The following PLA2G4E variants were observed in gnomAD, a reference collection of about 807,000 sequenced individuals.
PLA2G4E encodes phospholipase A2 group IVE.
Under a neutral mutation model 109.1 loss-of-function variants are expected in PLA2G4E, and 84 were observed. The ratio of observed to expected loss-of-function variants is 0.77; its 90% CI spans 0.65 to 0.92. The LOEUF (loss-of-function observed/expected upper bound fraction) is 0.92. Ranked by LOEUF, PLA2G4E falls within the 40% of genes least tolerant of loss-of-function variation. The pLI, the probability that PLA2G4E is intolerant of heterozygous loss-of-function variation, is 0.00. For missense variants in PLA2G4E, 1,057 were observed against 1,076.6 expected, an observed-to-expected ratio of 0.98 and a Z score of 0.25; for synonymous variants, 469 against 436.1, an observed-to-expected ratio of 1.08 and a Z score of -0.94.
At chr15:42,047,358 T>G (rs8034105) in intron 1 of PLA2G4E, among the ~76,000 whole-genome samples, 132 of 152,258 alleles carry the variant, frequency 8.7e-4, no homozygotes, top group African/African-American at 3.1e-3. Flanking sequence ...TCTTGCTGTG[T>G]CATTCCATGG....
chr15:42,005,962 A>G lies in PLA2G4E; in HGVS notation c.525+28T>C, dbSNP rs775622616. 8.1e-6 allele frequency: 13 copies of G among 1,610,492 alleles called. No individual in the cohort carries two copies. The South Asian group carries it at 1.4e-4, about 18-fold the overall frequency. On this transcript the variant is annotated intron_variant, in intron 4 of 19. Coordinates refer to ENST00000399518, the Ensembl canonical transcript of PLA2G4E. ...AGCTATGAGGTTATCATGAAGCCGG[A>G]GTCTGAGGGCCTGTACCCTGCACCC...
intron 1 of PLA2G4E, among the ~76,000 whole-genome samples, chr15:42,038,752 C>T (rs1048441689): frequency 6.6e-6 from 1 of 152,142 alleles, no homozygotes; most frequent in Admixed American, 6.5e-5. Context: ...TGCTACTGTG[C>T]ACTTTCTTGT....
intron 2 of PLA2G4E, among the ~76,000 whole-genome samples, chr15:42,008,764 T>C (rs4924599): frequency 0.39 from 58,828 of 151,964 alleles, 11,969 homozygotes; most frequent in South Asian, 0.57. Context: ...TGGCAGTTGG[T>C]GAGGGTGAGG....
rs192810683 is a variant in PLA2G4E at position 42,025,338 on chromosome 15, A to G, written c.184-11581T>C. On this transcript the variant is annotated intron_variant, in intron 1 of 19. Coordinates refer to ENST00000399518, the Ensembl canonical transcript of PLA2G4E. ...TCTGGCCAAGTTAGGTCAGAGGCAT[A>G]CTCTCTTACAGACTAAGAGTTTTTA... Among the ~76,000 whole-genome samples, 18 of 152,282 alleles carry G rather than the reference A, an allele frequency of 1.2e-4. No homozygotes were observed. The East Asian group carries it at 3.1e-3, about 26-fold the overall frequency.
intron 1 of PLA2G4E, among the ~76,000 whole-genome samples, chr15:42,047,881 T>A (rs1242991286): frequency 6.6e-6 from 1 of 152,226 alleles, no homozygotes; most frequent in Non-Finnish European, 1.5e-5. Flanking sequence ...TTTTGTTGCA[T>A]ACATATGCAC....
chr15:41,989,210 G>A (rs149111327), intron 15 of PLA2G4E, among the ~76,000 whole-genome samples: 139 of 152,306 alleles, frequency 9.1e-4, no homozygotes, highest in African/African-American at 3.2e-3. Flanking sequence ...CCAGTGTGGT[G>A]CTGAGCAGGC....
chr15:42,029,727 G>A (rs1188192306), intron 1 of PLA2G4E, among the ~76,000 whole-genome samples: 2 of 152,192 alleles, frequency 1.3e-5, no homozygotes, highest in African/African-American at 2.4e-5. Context: ...TTCTCCATCT[G>A]TAAAGTGGGA....
intron 19 of PLA2G4E, 145 bp downstream of exon 19, chr15:41,984,291 C>T (rs1055856741): frequency 8.7e-6 from 7 of 808,152 alleles, no homozygotes; most frequent in Non-Finnish European, 1.2e-5. Flanking sequence ...GAATGGGAGG[C>T]GCCCTTCTTT....
exon 20 of PLA2G4E, chr15:41,983,549 A>G: frequency 1.7e-6 from 1 of 591,774 alleles, no homozygotes; most frequent in Non-Finnish European, 3.0e-6. Context: ...TAGTGGGTAT[A>G]AAACCCCAAC....
intron 1 of PLA2G4E, among the ~76,000 whole-genome samples, chr15:42,044,562 C>T (rs1467344585): frequency 6.8e-6 from 1 of 146,392 alleles, no homozygotes; most frequent in East Asian, 2.0e-4. Flanking sequence ...CATGTTCTCA[C>T]TCACAGGTGA....
chr15:42,016,241 C>CTTTTTTT (rs1168452228), intron 1 of PLA2G4E, among the ~76,000 whole-genome samples: 58 of 104,684 alleles, frequency 5.5e-4, no homozygotes, highest in South Asian at 9.3e-4. Flanking sequence ...TTTATCTTTA[C>CTTTTTTT]TTTTTTTTTT....
chr15:42,044,347 C>G (rs943285160), intron 1 of PLA2G4E, among the ~76,000 whole-genome samples: 2 of 151,956 alleles, frequency 1.3e-5, no homozygotes, highest in Non-Finnish European at 2.9e-5. Context: ...GAGAGTCCCC[C>G]AGGCTGAAGG....
Position 42,013,297 on chromosome 15 carries a change from G to T in PLA2G4E, c.256+388C>A, listed in dbSNP as rs2068555707. On this transcript the variant is annotated intron_variant, in intron 2 of 19. Coordinates refer to ENST00000399518, the Ensembl canonical transcript of PLA2G4E. ...CTCTCCTTCCACTTCACCCCAACAGGCCCTAACCGAAAGGAGGAGCAAGGA... is the reference window on the plus strand; with the variant it reads ...CTCTCCTTCCACTTCACCCCAACAGTCCCTAACCGAAAGGAGGAGCAAGGA... 7.2e-5 allele frequency among the ~76,000 whole-genome samples: 11 copies of T among 152,292 alleles called. No individual in the cohort carries two copies. In the South Asian group the frequency reaches 2.3e-3, roughly 32 times the overall value.
At chr15:42,002,576 T>C in intron 6 of PLA2G4E, 78 bp downstream of exon 6, 1 of 1,451,102 alleles carries the variant, frequency 6.9e-7, no homozygotes, top group South Asian at 1.2e-5. Context: ...CCCACTGTTT[T>C]CTCCCTTGGT....
chr15:41,996,350 G>GGAAAAAA (rs2068339186), intron 11 of PLA2G4E, among the ~76,000 whole-genome samples: 1 of 75,108 alleles, frequency 1.3e-5, no homozygotes, highest in Non-Finnish European at 2.4e-5. Flanking sequence ...CCTGTCTCAA[G>GGAAAAAA]AAAAAAAAAA....
At chr15:41,990,070 A>G in intron 14 of PLA2G4E, 51 bp downstream of exon 14, 2 of 1,504,322 alleles carry the variant, frequency 1.3e-6, no homozygotes, top group East Asian at 2.3e-5. Flanking sequence ...TTTGCCCACC[A>G]AGAAGTCCCC....
intron 1 of PLA2G4E, among the ~76,000 whole-genome samples, chr15:42,028,392 T>TTTAC (rs1889053508): frequency 1.6e-4 from 3 of 18,828 alleles, no homozygotes; most frequent in Admixed American, 7.7e-4. Flanking sequence ...TACTTATTTA[T>TTTAC]TTATTTATTT....
At chr15:42,043,564 C>A (rs1206793898) in intron 1 of PLA2G4E, among the ~76,000 whole-genome samples, 113 of 95,288 alleles carry the variant, frequency 1.2e-3, no homozygotes, top group Admixed American at 2.1e-3. Flanking sequence ...ATGGAGGATA[C>A]AAAAAAAAAA....
At chr15:41,989,764 G>A (rs931633142) in intron 14 of PLA2G4E, among the ~76,000 whole-genome samples, 4 of 152,324 alleles carry the variant, frequency 2.6e-5, no homozygotes, top group Non-Finnish European at 4.4e-5. Context: ...AAGGAGGATG[G>A]CTCATTTGCA....
Sources: allele counts gnomAD v4.1 joint callset (sites outside exome capture counted in the v4.1 genomes callset), GRCh38; gene constraint gnomAD v4.1.1; transcripts MANE v1.5; gene names NCBI Gene and HGNC (gene_info 2026-07-23, HGNC 2026-07-21).